BRF1: variants seen among roughly 807,000 people sequenced by gnomAD.
The protein encoded by BRF1 is BRF1 general transcription factor IIIB subunit.
BRF1 carries 59 observed loss-of-function variants against 81.7 expected under a neutral mutation model. That is an observed-to-expected ratio of 0.72 (90% CI 0.59 to 0.90). BRF1 has a LOEUF of 0.90. Among genes scored for constraint, BRF1 ranks in the 40% least tolerant of loss-of-function variants. BRF1 has a pLI of 0.00. For missense variants in BRF1, 1,050 were observed against 936.3 expected (o/e 1.12, Z -1.58); for synonymous variants, 491 against 395.6 (o/e 1.24, Z -2.86).
intron 2 of BRF1, among the ~76,000 whole-genome samples, chr14:105,280,247 G>A (rs2057013765): frequency 1.3e-5 from 2 of 152,228 alleles, no homozygotes; most frequent in Admixed American, 1.3e-4. Context: ...AGACCTGGAG[G>A]ACAGTTAAAT....
rs587682608 is a variant in BRF1 at position 105,293,179 on chromosome 14, A to G, written c.185-6803T>C. Among the ~76,000 whole-genome samples the G allele has an allele frequency of 3.9e-5, 6 of 152,298 alleles. No individual in the cohort carries two copies. The East Asian group carries it at 1.2e-3, about 29-fold the overall frequency. On this transcript the variant is annotated intron_variant, in intron 1 of 17. Coordinates refer to ENST00000547530, the MANE Select transcript of BRF1 (RefSeq NM_001519.4). Reference sequence around the variant, plus strand: ...GCGCATGCTCAGAACCCCAGGCCGCAGGGAGAGGCTGGCCGGTCACATCCT... The same window carrying G: ...GCGCATGCTCAGAACCCCAGGCCGCGGGGAGAGGCTGGCCGGTCACATCCT...
chr14:105,253,236 G>A (rs993082479), intron 4 of BRF1, among the ~76,000 whole-genome samples: 1 of 152,186 alleles, frequency 6.6e-6, no homozygotes, highest in Non-Finnish European at 1.5e-5. Context: ...CAGCCCTGCC[G>A]TGGGCCGAGT....
chr14:105,261,355 G>A (rs746851734), intron 3 of BRF1, among the ~76,000 whole-genome samples: 1 of 152,168 alleles, frequency 6.6e-6, no homozygotes, highest in Non-Finnish European at 1.5e-5. Flanking sequence ...CAGTCATGAC[G>A]GTGCAGCCCT....
Position 105,315,079 on chromosome 14 carries a change from C to G in BRF1, c.-162+243G>C. The G allele has an allele frequency of 1.8e-6, 2 of 1,089,154 alleles. No homozygotes were observed. The highest frequency in any genetic ancestry group is 2.2e-6 in the Non-Finnish European group (2 of 889,742). 67.5% of individuals were successfully genotyped at this position (1,089,154 alleles called of 1,614,324 possible). Reference sequence around the variant, plus strand: ...GCGCTTTGTTCCCGCCGGGCACCTGCTGGGGGTGTCCTGGCCGCGGCCTCT... The same window carrying G: ...GCGCTTTGTTCCCGCCGGGCACCTGGTGGGGGTGTCCTGGCCGCGGCCTCT... On this transcript the variant is annotated intron_variant, in intron 1 of 17. Transcript: ENST00000327359. This position sits in a 1 kb window ranked among gnomAD's most constrained non-coding sequence, Gnocchi z 4.4.
Position 105,210,709 on chromosome 14 carries a change from C to A in BRF1, c.1997-121G>T. On this transcript the variant is annotated intron_variant, in intron 17 of 17. Transcript: ENST00000547530. The surrounding 1 kb of genome is among the most constrained non-coding windows in gnomAD (Gnocchi z 4.7). Reference sequence around the variant, plus strand: ...CTCAGGCTCCAGCCCCAGCCCCAGCCCCCCGCGCCCCGCCAGGAGCCATCT... The same window carrying A: ...CTCAGGCTCCAGCCCCAGCCCCAGCACCCCGCGCCCCGCCAGGAGCCATCT... 1.7e-6 allele frequency: 2 copies of A among 1,144,744 alleles called. No individual in the cohort carries two copies. Among genetic ancestry groups the A allele is most frequent in the South Asian group, 2.8e-5 (2 of 70,642 alleles). 70.9% of individuals were successfully genotyped at this position (1,144,744 alleles called of 1,614,324 possible).
In BRF1 at chr14:105,267,142, G is replaced by A. The variant is rs587632236; in HGVS notation, c.439+5579C>T. On this transcript the variant is annotated intron_variant, in intron 3 of 17. Transcript: ENST00000547530. Reference sequence around the variant, plus strand: ...ACTCCAAAACTCAAACAGTAAGATCGACAATTGAATTTGGTAGGAATGATG... The same window carrying A: ...ACTCCAAAACTCAAACAGTAAGATCAACAATTGAATTTGGTAGGAATGATG... 5.3e-5 allele frequency among the ~76,000 whole-genome samples: 8 copies of A among 152,294 alleles called. No homozygotes were observed. The East Asian group carries it at 1.3e-3, about 26-fold the overall frequency.
chr14:105,283,697 T>C (rs587616665), intron 2 of BRF1, among the ~76,000 whole-genome samples: 22 of 152,352 alleles, frequency 1.4e-4, no homozygotes, highest in Non-Finnish European at 2.8e-4. Flanking sequence ...CCGACACTAC[T>C]CTTTGCAATT....
intron 2 of BRF1, among the ~76,000 whole-genome samples, chr14:105,275,956 A>G (rs1184242040): frequency 6.7e-6 from 1 of 148,646 alleles, no homozygotes; most frequent in Admixed American, 6.7e-5. Flanking sequence ...GGAGGAGGCC[A>G]CAGTGAGAAG....
intron 1 of BRF1, among the ~76,000 whole-genome samples, chr14:105,287,604 C>T (rs2057363154): frequency 6.6e-6 from 1 of 152,154 alleles, no homozygotes; most frequent in Non-Finnish European, 1.5e-5. Context: ...GAAAGCCAAT[C>T]GCTGGAGCCT....
intron 2 of BRF1, among the ~76,000 whole-genome samples, chr14:105,278,810 C>T (rs1219367426): frequency 1.3e-5 from 2 of 151,942 alleles, no homozygotes; most frequent in African/African-American, 4.8e-5. Context: ...TTTGGGAGGC[C>T]GAGGCGGGCA....
chr14:105,229,265 G>A (rs2054315816), intron 6 of BRF1, among the ~76,000 whole-genome samples: 2 of 152,252 alleles, frequency 1.3e-5, no homozygotes, highest in African/African-American at 2.4e-5. Context: ...TGCGGAGCCA[G>A]GCTGGGCAGG....
chr14:105,249,594 TG>T lies in BRF1; in HGVS notation c.544+2912del, dbSNP rs781573339. 11 of 1,586,340 alleles carry T rather than the reference TG, an allele frequency of 6.9e-6. No individual in the cohort carries two copies. The African/African-American group carries it at 1.5e-4, about 21-fold the overall frequency. On this transcript the variant is annotated intron_variant, in intron 5 of 17. Coordinates refer to ENST00000547530, the MANE Select transcript of BRF1 (RefSeq NM_001519.4). ...TCCTCTCCCAGGCCCAGCCCCGCGA[TG>T]GGTGCTTGGGAGCCAGCCCCTGACG...
At chr14:105,256,393 C>A in intron 4 of BRF1, 125 bp downstream of exon 4, 3 of 1,606,846 alleles carry the variant, frequency 1.9e-6, no homozygotes, top group Non-Finnish European at 2.5e-6. Flanking sequence ...CCTGACTGGG[C>A]AGGCAGCACA....
At chr14:105,215,525 C>T (rs932904271) in intron 15 of BRF1, among the ~76,000 whole-genome samples, 16 of 151,972 alleles carry the variant, frequency 1.1e-4, no homozygotes, top group African/African-American at 2.7e-4. Flanking sequence ...TGTGTGCATA[C>T]GCACTGCATG....
At chr14:105,212,307 C>G (rs1312643123) in intron 15 of BRF1, 143 bp from the exon 16 acceptor site, 8 of 1,072,060 alleles carry the variant, frequency 7.5e-6, no homozygotes, top group South Asian at 1.5e-5. Flanking sequence ...CGTCCAGGTT[C>G]TGTGTGCTCC....
chr14:105,250,425 A>C lies in BRF1; in HGVS notation c.544+2082T>G, dbSNP rs765961875. 6.2e-6 allele frequency: 10 copies of C among 1,613,978 alleles called. No individual in the cohort carries two copies. In the East Asian group the frequency reaches 2.2e-4, roughly 36 times the overall value. On this transcript the variant is annotated intron_variant, in intron 5 of 17. Transcript: ENST00000547530. ...GTGGTTCTGGCTCAGAACTTGACCA[A>C]GTTCATGTCAGACGGATCCAGTAAC... is the stretch of plus-strand genomic sequence containing the variant.
chr14:105,274,092 C>G (rs912005929), intron 2 of BRF1, among the ~76,000 whole-genome samples: 3 of 152,230 alleles, frequency 2.0e-5, no homozygotes, highest in Non-Finnish European at 1.5e-5. Flanking sequence ...GCAATACTGC[C>G]TTGTTATTCT....
At chr14:105,247,967 CCA>C (rs1235795936) in intron 5 of BRF1, 1 of 985,366 alleles carries the variant, frequency 1.0e-6, no homozygotes, top group African/African-American at 1.7e-5. Context: ...ACAGGCAGAG[CCA>C]CAGAGGCAGG....
intron 3 of BRF1, among the ~76,000 whole-genome samples, chr14:105,257,811 T>A (rs1422165697): frequency 6.6e-6 from 1 of 152,044 alleles, no homozygotes; most frequent in Admixed American, 6.5e-5. Flanking sequence ...ACACCCTGTG[T>A]GACTCCAAGC....
Sources: allele counts gnomAD v4.1 joint callset (sites outside exome capture counted in the v4.1 genomes callset), GRCh38; gene constraint gnomAD v4.1.1; non-coding constraint Gnocchi (gnomAD v3.1); transcripts MANE v1.5; gene names NCBI Gene and HGNC (gene_info 2026-07-23, HGNC 2026-07-21).